GRTP1: variants seen among roughly 807,000 people sequenced by gnomAD.
GRTP1 encodes the protein growth hormone regulated TBC protein 1.
In GRTP1, 56 loss-of-function variants were observed where a neutral mutation model predicts 38.1. That is an observed-to-expected ratio of 1.47 (90% confidence interval 1.19 to 1.84). The LOEUF is 1.84. Ranked by LOEUF, GRTP1 falls within the 40% of genes most tolerant of loss-of-function variation. The probability of loss-of-function intolerance (pLI) is 0.00; values close to 1 mark genes in which losing one functional copy is unlikely to be tolerated. For synonymous variants in GRTP1, 217 were observed against 189.5 expected (o/e 1.14, Z -1.19); for missense variants, 506 against 453.9 (o/e 1.11, Z -1.04).
intron 3 of GRTP1, among the ~76,000 whole-genome samples, chr13:113,352,995 G>A (rs9603832): frequency 7.0e-6 from 1 of 142,382 alleles, no homozygotes; most frequent in Non-Finnish European, 1.5e-5. Context: ...CTAGGTAGGA[G>A]CCCACAGCTG....
chr13:113,334,280 A>ACTGCCCCCCCCCCCCCCCCCCCC (rs1202504022), intron 5 of GRTP1, among the ~76,000 whole-genome samples: 1 of 142,474 alleles, frequency 7.0e-6, no homozygotes, highest in Admixed American at 7.3e-5. Flanking sequence ...CACTGCCACG[A>ACTGCCCCCCCCCCCCCCCCCCCC]CAGCCTCCCG....
intron 5 of GRTP1, 104 bp from the exon 6 acceptor site, chr13:113,326,195 C>A: frequency 1.4e-6 from 2 of 1,407,570 alleles, no homozygotes; most frequent in Non-Finnish European, 1.9e-6. Flanking sequence ...CCTGGGAGGA[C>A]CCCTCCCAAG....
intron 2 of GRTP1, among the ~76,000 whole-genome samples, chr13:113,357,441 C>CA (rs368660991): frequency 0.11 from 10,281 of 97,632 alleles, 880 homozygotes; most frequent in African/African-American, 0.16. Context: ...GACACTGCCT[C>CA]AAAAAAAAAA....
chr13:113,354,216 G>A (rs1029198981), intron 3 of GRTP1, among the ~76,000 whole-genome samples: 5 of 152,120 alleles, frequency 3.3e-5, no homozygotes, highest in Admixed American at 1.3e-4. Context: ...GTTTCTGGCC[G>A]CCAGGCTGTG....
chr13:113,352,378 T>TTTATATATATATATATA (rs371059232), intron 3 of GRTP1, among the ~76,000 whole-genome samples: 1 of 114,706 alleles, frequency 8.7e-6, no homozygotes, highest in African/African-American at 3.4e-5. Flanking sequence ...ATATATATAT[T>TTTATATATATATATATA]TATATATATA....
intron 5 of GRTP1, 132 bp downstream of exon 5, chr13:113,344,731 A>AT (rs1217202142): frequency 6.4e-6 from 3 of 468,036 alleles, no homozygotes; most frequent in African/African-American, 6.4e-5. Context: ...AAAAAAAAAA[A>AT]AAAACGGTTT....
At chr13:113,330,520 G>T (rs111239635) in intron 5 of GRTP1, among the ~76,000 whole-genome samples, 10 of 137,888 alleles carry the variant, frequency 7.3e-5, no homozygotes, top group Admixed American at 2.8e-4. Context: ...GCCCAGGTGT[G>T]TGCATGGAAA....
At chr13:113,352,256 A>ATTTT (rs2043283474) in intron 3 of GRTP1, among the ~76,000 whole-genome samples, 2 of 48,654 alleles carry the variant, frequency 4.1e-5, no homozygotes, top group Admixed American at 7.5e-4. Flanking sequence ...ATATATATTT[A>ATTTT]TATATTTTTA....
chr13:113,330,563 C>T (rs1225033103), intron 5 of GRTP1, among the ~76,000 whole-genome samples: 19 of 103,282 alleles, frequency 1.8e-4, no homozygotes, highest in Admixed American at 3.7e-4. Flanking sequence ...CAGGTGTGTG[C>T]ATGGGAGCCC....
At chr13:113,344,793 C>G in intron 5 of GRTP1, 70 bp downstream of exon 5, 1 of 1,244,512 alleles carries the variant, frequency 8.0e-7, no homozygotes, top group East Asian at 4.1e-5. Flanking sequence ...ATTTTGATTT[C>G]TCAGCGGAAT....
At chr13:113,338,268 G>A (rs576159643) in intron 5 of GRTP1, among the ~76,000 whole-genome samples, 142 of 152,304 alleles carry the variant, frequency 9.3e-4, no homozygotes, top group East Asian at 3.3e-3. Flanking sequence ...ACAAGAGGCC[G>A]CGGGTGTGGC....
chr13:113,360,386 G>C (rs982066904), intron 2 of GRTP1: 7 of 152,182 alleles, frequency 4.6e-5, no homozygotes, highest in African/African-American at 7.2e-5. Context: ...TGCTGAGATT[G>C]GTAGATGATT....
rs561227747 is a variant in GRTP1 at position 113,325,756 on chromosome 13, ACTC to A, written c.823_825del (p.Glu275del). 1.5e-3 allele frequency: 2,386 copies of A among 1,613,940 alleles called. 2 individuals carry two copies. Among genetic ancestry groups the A allele is most frequent in the Non-Finnish European group, 1.9e-3 (2,271 of 1,179,950 alleles). On this transcript the variant is annotated inframe_deletion, in exon 7 of 8. Transcript: ENST00000375431. ...GGAACGCTGGTGGCTTCCAAAATCAACTCCTGGTGCTGCTTAATTAAGGTCAGG... is the reference window on the plus strand; with the variant it reads ...GGAACGCTGGTGGCTTCCAAAATCAACTGGTGCTGCTTAATTAAGGTCAGG...
At position 113,353,799 on chromosome 13, in the gene GRTP1, G is replaced by A. The variant is rs2043329957; in HGVS notation, c.340+1524C>T. Among the ~76,000 whole-genome samples, 2 of 152,224 alleles carry A rather than the reference G, an allele frequency of 1.3e-5. 1 individual carries two copies. The highest frequency in any genetic ancestry group is 4.1e-4 in the South Asian group (2 of 4,826). ...TTTAAAAAACAATTCAGCCAGGTGG[G>A]TGGCTCACTCCTGTAACCCTAGCAC... is the stretch of plus-strand genomic sequence containing the variant. On this transcript the variant is annotated intron_variant, in intron 3 of 7. Coordinates refer to ENST00000375431, the MANE Select transcript of GRTP1 (RefSeq NM_024719.4).
intron 2 of GRTP1, chr13:113,359,543 CTGCCTGGGTGA>C (rs2043456383): frequency 6.6e-6 from 1 of 152,204 alleles, no homozygotes; most frequent in South Asian, 2.1e-4. Flanking sequence ...CACTGTCCTC[CTGCCTGGGTGA>C]CAGAGCAAGA....
chr13:113,347,880 G>A (rs1190653041), intron 4 of GRTP1, among the ~76,000 whole-genome samples: 2 of 149,166 alleles, frequency 1.3e-5, no homozygotes, highest in Non-Finnish European at 3.0e-5. Flanking sequence ...GAGGACCTCT[G>A]AAGCCGAGAG....
chr13:113,361,541 C>T (rs1228742215), intron 2 of GRTP1: 2 of 152,174 alleles, frequency 1.3e-5, no homozygotes, highest in African/African-American at 4.8e-5. Context: ...AATTTATGCA[C>T]AACCATACAT....
chr13:113,344,824 C>G (rs1003224568), intron 5 of GRTP1, 39 bp downstream of exon 5: 1 of 1,515,288 alleles, frequency 6.6e-7, no homozygotes, highest in Non-Finnish European at 8.8e-7. Context: ...GCACCAGAAA[C>G]AGGACAGTTC....
rs2043265180 is a variant in GRTP1 at position 113,351,494 on chromosome 13, C to T, written c.341-521G>A. Among the ~76,000 whole-genome samples the T allele has an allele frequency of 2.6e-5, 4 of 152,308 alleles. No homozygotes were observed. In the South Asian group the frequency reaches 8.3e-4, roughly 32 times the overall value. On this transcript the variant is annotated intron_variant, in intron 3 of 7. Transcript: ENST00000375431. The stretch of plus-strand genomic sequence containing the variant: ...GCTGAGAGCTGAGAACTGAATAAAC[C>T]TCGAGTTGTCAGCTTGTGTGTGCAG...
Sources: allele counts gnomAD v4.1 joint callset (sites outside exome capture counted in the v4.1 genomes callset), GRCh38; gene constraint gnomAD v4.1.1; transcripts MANE v1.5; gene names NCBI Gene and HGNC (gene_info 2026-07-23, HGNC 2026-07-21).